RBM19: variants seen among roughly 807,000 people sequenced by gnomAD.
RBM19 encodes probable RNA-binding protein 19.
Under a neutral mutation model 116.8 loss-of-function variants are expected in RBM19, and 94 were observed. The ratio of observed to expected loss-of-function variants is 0.80; its 90% CI spans 0.68 to 0.95. The LOEUF is 0.95. Among genes scored for constraint, RBM19 ranks in the 40% least tolerant of loss-of-function variants. The pLI is 0.00. For missense variants in RBM19, 1,161 were observed against 1,220.7 expected (o/e 0.95, Z 0.73); for synonymous variants, 475 against 494.1 (o/e 0.96, Z 0.51).
chr12:113,844,167 G>A (rs767055241), intron 23 of RBM19, among the ~76,000 whole-genome samples: 3 of 152,238 alleles, frequency 2.0e-5, no homozygotes, highest in Non-Finnish European at 4.4e-5. Flanking sequence ...AGGTGAGTGA[G>A]ACCTGTGGGC....
intron 15 of RBM19, among the ~76,000 whole-genome samples, chr12:113,939,582 T>C (rs1249828924): frequency 2.6e-5 from 4 of 151,790 alleles, no homozygotes; most frequent in Non-Finnish European, 4.4e-5. Flanking sequence ...ACCCCGTCTC[T>C]ACCAAAAATA....
chr12:113,860,053 T>C (rs1322458313), intron 21 of RBM19, among the ~76,000 whole-genome samples: 1 of 152,196 alleles, frequency 6.6e-6, no homozygotes, highest in Non-Finnish European at 1.5e-5. Flanking sequence ...ATCCTCAAAA[T>C]GAATCTGCAC....
chr12:113,954,748 T>C (rs917292194), intron 7 of RBM19, among the ~76,000 whole-genome samples: 1 of 152,228 alleles, frequency 6.6e-6, no homozygotes, highest in African/African-American at 2.4e-5. Context: ...TAAAGTTTTA[T>C]TTATTTTTAC....
chr12:113,830,570 CGGGGCGGGGGGG>C lies in RBM19; in HGVS notation c.2786-7261_2786-7250del, dbSNP rs1315058002. Among the ~76,000 whole-genome samples, 4 of 7,856 alleles carry C rather than the reference CGGGGCGGGGGGG, an allele frequency of 5.1e-4. 2 individuals carry two copies. Among genetic ancestry groups the C allele is most frequent in the African/African-American group, 4.4e-3 (4 of 904 alleles). 5.2% of individuals were successfully genotyped at this position (7,856 alleles called of 152,430 possible). On this transcript the variant is annotated intron_variant, in intron 23 of 23. Transcript: ENST00000261741. ...ATGGAGTTACCCTGAGCTAGGGCTGCGGGGCGGGGGGGGGGGGGGTGGGCTATGCCTGGGGGC... is the reference window on the plus strand; with the variant it reads ...ATGGAGTTACCCTGAGCTAGGGCTGCGGGGGGGTGGGCTATGCCTGGGGGC...
At chr12:113,939,579 C>G (rs1209062046) in intron 15 of RBM19, among the ~76,000 whole-genome samples, 1 of 151,274 alleles carries the variant, frequency 6.6e-6, no homozygotes, top group Non-Finnish European at 1.5e-5. Flanking sequence ...GAAACCCCGT[C>G]TCTACCAAAA....
intron 23 of RBM19, among the ~76,000 whole-genome samples, chr12:113,835,155 T>C (rs1195767747): frequency 6.6e-6 from 1 of 152,192 alleles, no homozygotes; most frequent in East Asian, 1.9e-4. Context: ...GAGCCCGGCT[T>C]CCTTCCTTGT....
At chr12:113,849,740 G>A (rs1012184735) in intron 22 of RBM19, among the ~76,000 whole-genome samples, 29 of 152,184 alleles carry the variant, frequency 1.9e-4, no homozygotes, top group Admixed American at 1.8e-3. Context: ...CCAGCAAAAC[G>A]AACGTCACAG....
downstream of RBM19, among the ~76,000 whole-genome samples, chr12:113,821,642 C>T (rs1035595561): frequency 2.0e-5 from 3 of 152,204 alleles, no homozygotes; most frequent in East Asian, 1.9e-4. Flanking sequence ...TGTGGCTGGG[C>T]GTGATGGCTC....
chr12:113,941,666 C>T (rs990428128), intron 14 of RBM19, among the ~76,000 whole-genome samples: 6 of 152,066 alleles, frequency 3.9e-5, no homozygotes, highest in African/African-American at 1.5e-4. Flanking sequence ...TCCATCCATC[C>T]ATCCATCCAT....
rs1435675783 is a variant in RBM19, at chr12:113,903,902, TAGAGGAGTTG to T, written c.2558+11057_2558+11066del. Among the ~76,000 whole-genome samples, 2 of 152,216 alleles carry T rather than the reference TAGAGGAGTTG, an allele frequency of 1.3e-5. No individual in the cohort carries two copies. Among genetic ancestry groups the T allele is most frequent in the Middle Eastern group, 3.2e-3 (1 of 316 alleles). On this transcript the variant is annotated intron_variant, in intron 21 of 23. Transcript: ENST00000261741. This position sits in a 1 kb window ranked among gnomAD's most constrained non-coding sequence, Gnocchi z 5.1. ...ACAGATTTAAGATGTGGTCATGCCA[TAGAGGAGTTG>T]AGACCTCTGGGATCCGGACCATGGG...
At chr12:113,862,183 G>C (rs1339218877) in intron 21 of RBM19, among the ~76,000 whole-genome samples, 1 of 152,186 alleles carries the variant, frequency 6.6e-6, no homozygotes, top group African/African-American at 2.4e-5. Flanking sequence ...CTACCAATGA[G>C]TGCCTGCAAT....
chr12:113,897,677 ACT>A (rs764562455), intron 21 of RBM19, among the ~76,000 whole-genome samples: 70 of 151,964 alleles, frequency 4.6e-4, no homozygotes, highest in Non-Finnish European at 7.6e-4. Context: ...AATCTGATAG[ACT>A]CTCAGGGCGG....
intron 1 of RBM19, among the ~76,000 whole-genome samples, chr12:113,965,220 C>G (rs1872769527): frequency 6.6e-6 from 1 of 150,954 alleles, no homozygotes; most frequent in African/African-American, 2.4e-5. Flanking sequence ...TTGCAGTGAG[C>G]CGAGACTGCC....
intron 22 of RBM19, among the ~76,000 whole-genome samples, chr12:113,857,917 G>T (rs1422106811): frequency 6.6e-6 from 1 of 152,262 alleles, no homozygotes; most frequent in African/African-American, 2.4e-5. Flanking sequence ...CAGAGGTGAA[G>T]GGGATCCCAG....
intron 18 of RBM19, among the ~76,000 whole-genome samples, 187 bp downstream of exon 18, chr12:113,924,510 G>C (rs1868878126): frequency 6.6e-6 from 1 of 152,176 alleles, no homozygotes; most frequent in Admixed American, 6.5e-5. Context: ...CTGGAAAGGA[G>C]ACTCCAGGGG....
At chr12:113,831,458 C>G (rs990700488) in intron 23 of RBM19, among the ~76,000 whole-genome samples, 1 of 152,208 alleles carries the variant, frequency 6.6e-6, no homozygotes, top group Non-Finnish European at 1.5e-5. Flanking sequence ...GTCCCTGTTT[C>G]TAGCACTGTG....
At chr12:113,899,587 C>G (rs978295662) in intron 21 of RBM19, among the ~76,000 whole-genome samples, 1 of 152,164 alleles carries the variant, frequency 6.6e-6, no homozygotes, top group Non-Finnish European at 1.5e-5. Context: ...CGGTTCCTTC[C>G]CTTTCTGGAG....
intron 4 of RBM19, 98 bp downstream of exon 4, chr12:113,959,767 T>C (rs1406287976): frequency 1.4e-6 from 2 of 1,436,120 alleles, no homozygotes; most frequent in Non-Finnish European, 1.9e-6. Context: ...TACGGTCTCC[T>C]AGCCTCCACC....
At chr12:113,918,521 G>T in intron 19 of RBM19, 74 bp from the exon 20 acceptor site, 1 of 1,515,710 alleles carries the variant, frequency 6.6e-7, no homozygotes, top group Non-Finnish European at 9.1e-7. Flanking sequence ...CTTCACCAGA[G>T]CAGAGCCCTG....
Sources: allele counts gnomAD v4.1 joint callset (sites outside exome capture counted in the v4.1 genomes callset), GRCh38; gene constraint gnomAD v4.1.1; non-coding constraint Gnocchi (gnomAD v3.1); transcripts MANE v1.5; gene names NCBI Gene and HGNC (gene_info 2026-07-23, HGNC 2026-07-21).